Variants in GPCPD1 observed in about 807,000 individuals in gnomAD.
GPCPD1 encodes glycerophosphocholine phosphodiesterase GPCPD1.
A neutral mutation model predicts 89.2 loss-of-function variants in GPCPD1; 29 were observed. The observed-to-expected ratio is 0.33, with a 90% CI of 0.24 to 0.44. The LOEUF (loss-of-function observed/expected upper bound fraction) is 0.44, where lower values mean the gene tolerates loss of function less well. GPCPD1 is among the 20% of genes least tolerant of loss of function. The pLI is 1.00. For missense variants in GPCPD1, 594 were observed against 808.9 expected, an observed-to-expected ratio of 0.73 and a Z score of 3.22; for synonymous variants, 258 against 266.3, an observed-to-expected ratio of 0.97 and a Z score of 0.30.
At chr20:5,579,504 T>C (rs1267842725) in intron 7 of GPCPD1, among the ~76,000 whole-genome samples, 2 of 152,092 alleles carry the variant, frequency 1.3e-5, no homozygotes, top group Non-Finnish European at 2.9e-5. Flanking sequence ...CCCAACAGCA[T>C]GCCCAGCTAA....
intron 4 of GPCPD1, among the ~76,000 whole-genome samples, chr20:5,586,794 T>C (rs1978957783): frequency 6.6e-6 from 1 of 152,198 alleles, no homozygotes; most frequent in African/African-American, 2.4e-5. Context: ...ATTTATTACA[T>C]ATATTTAAGA....
intron 11 of GPCPD1, among the ~76,000 whole-genome samples, chr20:5,571,588 T>C (rs1568655949): frequency 6.6e-6 from 1 of 152,308 alleles, no homozygotes; most frequent in South Asian, 2.1e-4. Flanking sequence ...AAAGGCTTAA[T>C]GAAATCCTCT....
chr20:5,605,493 A>G (rs917358433), intron 1 of GPCPD1, among the ~76,000 whole-genome samples: 11 of 151,454 alleles, frequency 7.3e-5, no homozygotes, highest in African/African-American at 2.7e-4. Flanking sequence ...AAAAGAAAAG[A>G]AGGAGTCCAG....
At chr20:5,567,320 G>A (rs1269184675) in intron 13 of GPCPD1, among the ~76,000 whole-genome samples, 163 bp downstream of exon 13, 2 of 152,062 alleles carry the variant, frequency 1.3e-5, no homozygotes, top group African/African-American at 4.8e-5. Flanking sequence ...CAGCTGGATC[G>A]ATACAGAACC....
At chr20:5,583,526 C>T (rs1327734504) in intron 6 of GPCPD1, among the ~76,000 whole-genome samples, 3 of 152,054 alleles carry the variant, frequency 2.0e-5, no homozygotes, top group African/African-American at 4.8e-5. Context: ...CCAGCCTGGG[C>T]GGGTGGGGGT....
At chr20:5,550,932 A>AGGCAGACGTATTGAG (rs1394752003) in intron 19 of GPCPD1, among the ~76,000 whole-genome samples, 1 of 152,200 alleles carries the variant, frequency 6.6e-6, no homozygotes, top group Non-Finnish European at 1.5e-5. Context: ...CCCGGTGGAG[A>AGGCAGACGTATTGAG]GGCAGACGTA....
chr20:5,605,600 G>A (rs1054991372), intron 1 of GPCPD1, among the ~76,000 whole-genome samples: 1 of 152,090 alleles, frequency 6.6e-6, no homozygotes, highest in Non-Finnish European at 1.5e-5. Flanking sequence ...CCAACATGGA[G>A]AAACCCCGTC....
intron 3 of GPCPD1, 36 bp downstream of exon 3, chr20:5,598,689 C>T (rs373170112): frequency 2.8e-5 from 34 of 1,197,414 alleles, no homozygotes; most frequent in Non-Finnish European, 4.2e-5. Context: ...AGGTTAATGT[C>T]ACAGTTATTC....
intron 19 of GPCPD1, among the ~76,000 whole-genome samples, chr20:5,553,161 C>G (rs6053490): frequency 0.99 from 151,244 of 152,274 alleles, 75,116 homozygotes; most frequent in Middle Eastern, 1. Context: ...CCAACAGCAT[C>G]TGCTCACTTC....
At chr20:5,607,808 ACT>A (rs1489605883) in intron 1 of GPCPD1, among the ~76,000 whole-genome samples, 2 of 141,332 alleles carry the variant, frequency 1.4e-5, no homozygotes, top group African/African-American at 2.9e-5. Context: ...ACAGAATGAG[ACT>A]CTGTCTCAAA....
chr20:5,554,414 G>A (rs908796135), intron 19 of GPCPD1, among the ~76,000 whole-genome samples: 2 of 152,102 alleles, frequency 1.3e-5, no homozygotes, highest in African/African-American at 4.8e-5. Context: ...CTTGTTAGGG[G>A]CTAATACAAC....
intron 13 of GPCPD1, 74 bp from the exon 14 acceptor site, chr20:5,566,846 C>T (rs1282070677): frequency 2.2e-6 from 2 of 917,224 alleles, no homozygotes; most frequent in Non-Finnish European, 3.6e-6. Context: ...CAGAAAATAT[C>T]CTGAAAAACT....
intron 8 of GPCPD1, among the ~76,000 whole-genome samples, 179 bp downstream of exon 8, chr20:5,578,201 T>C (rs112446810): frequency 3.9e-5 from 6 of 152,374 alleles, no homozygotes; most frequent in African/African-American, 7.2e-5. Flanking sequence ...CTCTTAATTA[T>C]ATTCTTAATA....
chr20:5,578,728 C>G, intron 7 of GPCPD1, 117 bp from the exon 8 acceptor site: 1 of 648,916 alleles, frequency 1.5e-6, no homozygotes, highest in Non-Finnish European at 2.7e-6. Context: ...CTTCGAATAA[C>G]AAAAATAATG....
intron 9 of GPCPD1, 105 bp from the exon 10 acceptor site, chr20:5,575,650 T>A: frequency 1.1e-6 from 1 of 916,608 alleles, no homozygotes; most frequent in Non-Finnish European, 1.7e-6. Context: ...TATCAGTTTC[T>A]GTCAAACGGA....
chr20:5,563,044 G>A (rs573130932), intron 15 of GPCPD1, among the ~76,000 whole-genome samples: 32 of 151,084 alleles, frequency 2.1e-4, no homozygotes, highest in African/African-American at 7.5e-4. Flanking sequence ...GTGCAGTGGC[G>A]CGATCTCGGC....
At chr20:5,556,327 C>T (rs1024850020) in intron 19 of GPCPD1, among the ~76,000 whole-genome samples, 3 of 152,030 alleles carry the variant, frequency 2.0e-5, no homozygotes, top group Non-Finnish European at 2.9e-5. Flanking sequence ...CCTGCCTCAG[C>T]CCCGAGCAGC....
At chr20:5,599,340 C>T (rs1292329711) in intron 2 of GPCPD1, among the ~76,000 whole-genome samples, 2 of 151,946 alleles carry the variant, frequency 1.3e-5, no homozygotes, top group Non-Finnish European at 2.9e-5. Flanking sequence ...GGGGCAGATG[C>T]CTGTAATCCC....
chr20:5,567,367 T>C, intron 13 of GPCPD1, 116 bp downstream of exon 13: 1 of 1,237,268 alleles, frequency 8.1e-7, no homozygotes, highest in Non-Finnish European at 1.1e-6. Flanking sequence ...AAGCACATAG[T>C]CTACACATTA....
Sources: gnomAD v4.1 joint callset for allele counts (sites outside exome capture counted in the v4.1 genomes callset) on GRCh38, gnomAD v4.1.1 for gene constraint, MANE v1.5 for transcripts, NCBI Gene and HGNC (gene_info 2026-07-23, HGNC 2026-07-21) for gene names.